The following GMEB2 variants were observed in gnomAD, a reference collection of about 807,000 sequenced individuals.
The protein encoded by GMEB2 is glucocorticoid modulatory element binding protein 2, also known as glucocorticoid modulatory element-binding protein 2.
GMEB2 carries 7 observed loss-of-function variants against 45.7 expected under a neutral mutation model. The ratio of observed to expected loss-of-function variants is 0.15; its 90% CI spans 0.09 to 0.29. The LOEUF (loss-of-function observed/expected upper bound fraction) is 0.29, where lower values mean the gene tolerates loss of function less well. GMEB2 is among the 10% of genes least tolerant of loss of function. The probability of loss-of-function intolerance (pLI) is 1.00; values close to 1 mark genes in which losing one functional copy is unlikely to be tolerated. For missense variants in GMEB2, 582 were observed against 739.2 expected (o/e 0.79, Z 2.47); for synonymous variants, 322 against 323.6 (o/e 1.00, Z 0.05).
chr20:63,620,397 C>G (rs2089636798), intron 1 of GMEB2, among the ~76,000 whole-genome samples: 1 of 152,148 alleles, frequency 6.6e-6, no homozygotes, highest in South Asian at 2.1e-4. Flanking sequence ...CATCCCCTAC[C>G]TAGCACAGGG....
chr20:63,605,409 C>G (rs906008786), intron 2 of GMEB2, among the ~76,000 whole-genome samples: 2 of 149,374 alleles, frequency 1.3e-5, no homozygotes, highest in African/African-American at 2.5e-5. Flanking sequence ...GGCTCGAGCC[C>G]GTAATCCCAG....
intron 2 of GMEB2, among the ~76,000 whole-genome samples, chr20:63,605,869 C>T (rs1388175771): frequency 6.6e-6 from 1 of 151,936 alleles, no homozygotes; most frequent in African/African-American, 2.4e-5. Context: ...ACAGGAGAAT[C>T]GCCTGAACCC....
At chr20:63,594,930 A>G (rs2083181128) in intron 6 of GMEB2, among the ~76,000 whole-genome samples, 1 of 152,116 alleles carries the variant, frequency 6.6e-6, no homozygotes, top group African/African-American at 2.4e-5. Context: ...TGTACTTTTA[A>G]TAGAGACAGG....
At chr20:63,623,892 A>C (rs1000060214) in intron 1 of GMEB2, among the ~76,000 whole-genome samples, 10 of 151,740 alleles carry the variant, frequency 6.6e-5, no homozygotes, top group African/African-American at 2.4e-4. Context: ...CGAGCAGATC[A>C]CCTGAGGTCA....
intron 1 of GMEB2, among the ~76,000 whole-genome samples, chr20:63,620,055 C>T (rs978020235): frequency 6.6e-6 from 1 of 152,186 alleles, no homozygotes; most frequent in African/African-American, 2.4e-5. Context: ...TCAAGTGATT[C>T]TCCTGCCTCA....
At chr20:63,606,902 A>C (rs1251846971) in intron 2 of GMEB2, among the ~76,000 whole-genome samples, 2 of 152,182 alleles carry the variant, frequency 1.3e-5, no homozygotes, top group African/African-American at 4.8e-5. Context: ...ACAGGAAGGA[A>C]CCAGCGTTAC....
At chr20:63,599,784 C>T (rs977761705) in intron 4 of GMEB2, among the ~76,000 whole-genome samples, 27 of 152,198 alleles carry the variant, frequency 1.8e-4, no homozygotes, top group African/African-American at 5.8e-4. Flanking sequence ...AGCTCTCACA[C>T]GTGCGTTCCG....
chr20:63,587,817 G>A lies in GMEB2; in HGVS notation c.*2272C>T, dbSNP rs182556348. 33 of 152,516 alleles carry A rather than the reference G, an allele frequency of 2.2e-4. No individual in the cohort carries two copies. Among genetic ancestry groups the A allele is most frequent in the African/African-American group, 7.5e-4 (31 of 41,580 alleles). 9.4% of individuals were successfully genotyped at this position (152,516 alleles called of 1,614,324 possible). A position where few individuals can be genotyped will look rare whatever the true frequency, so the allele number is the denominator to read the frequency against. Reference sequence around the variant, plus strand: ...CCCGTGTTCTGTACGTGGTTGAGAAGGTCCTCCTCTCTGAGTACTGGCTGG... The same window carrying A: ...CCCGTGTTCTGTACGTGGTTGAGAAAGTCCTCCTCTCTGAGTACTGGCTGG... On this transcript the variant is annotated 3_prime_UTR_variant, in exon 10 of 10. Transcript: ENST00000370077.
At chr20:63,595,515 C>T (rs973156225) in intron 6 of GMEB2, 95 bp downstream of exon 6, 27 of 1,184,746 alleles carry the variant, frequency 2.3e-5, no homozygotes, top group African/African-American at 1.7e-4. Flanking sequence ...CGTGAGCAAA[C>T]GCCTGGGGCC....
intron 2 of GMEB2, among the ~76,000 whole-genome samples, chr20:63,615,797 G>A (rs951900813): frequency 4.6e-5 from 7 of 152,188 alleles, no homozygotes; most frequent in African/African-American, 1.4e-4. Flanking sequence ...GTGTGGCGAC[G>A]CCCCATGCTC....
In GMEB2 at chr20:63,592,042, T is replaced by C. The variant is rs780611183; in HGVS notation, c.932A>G (p.Gln311Arg). 5 of 1,612,362 alleles carry C rather than the reference T, an allele frequency of 3.1e-6. No homozygotes were observed. In the African/African-American group the frequency reaches 6.7e-5, roughly 22 times the overall value. Residue 311 changes from glutamine to arginine, a missense_variant, in exon 9 of 10, where the codon CAG becomes CGG. Around this residue, in one of 3 missense-constraint regions of GMEB2, gnomAD observed 462 missense variants for 586.7 expected, o/e 0.79. Transcript: ENST00000370077. The surrounding 1 kb of genome is among the most constrained non-coding windows in gnomAD (Gnocchi z 8.2). The stretch of plus-strand genomic sequence containing the variant: ...CATACCTGCCAGGTCCCGGGCGTAC[T>C]GCTCCCGCGAGCGGTCCATCTGGCA... ...HKCQMDRSRE[Q>R]YARDLAALEQ... is the part of the protein sequence containing the mutation.
intron 2 of GMEB2, among the ~76,000 whole-genome samples, chr20:63,614,794 C>G (rs2089596413): frequency 6.6e-6 from 1 of 152,200 alleles, no homozygotes; most frequent in Non-Finnish European, 1.5e-5. Context: ...TCTCTCCTCT[C>G]TCTCTGCCTC....
intron 1 of GMEB2, among the ~76,000 whole-genome samples, chr20:63,626,550 GCGT>G: frequency 7.1e-6 from 1 of 141,400 alleles, no homozygotes; most frequent in Non-Finnish European, 1.6e-5. Context: ...CCTGCGGGTC[GCGT>G]GGTGGCCCCT....
chr20:63,595,855 G>T, intron 5 of GMEB2, 88 bp from the exon 6 acceptor site: 1 of 1,233,226 alleles, frequency 8.1e-7, no homozygotes, highest in Non-Finnish European at 1.2e-6. Flanking sequence ...CCATCCACCT[G>T]CGTGGGGCAG....
chr20:63,613,521 C>CA (rs2089585848), intron 2 of GMEB2, among the ~76,000 whole-genome samples: 1 of 139,540 alleles, frequency 7.2e-6, no homozygotes, highest in Non-Finnish European at 1.5e-5. Flanking sequence ...TTTTTGTTTT[C>CA]TTTTTTTTTT....
chr20:63,598,046 G>A (rs1243787374), intron 4 of GMEB2, among the ~76,000 whole-genome samples, 186 bp from the exon 5 acceptor site: 2 of 152,202 alleles, frequency 1.3e-5, no homozygotes, highest in African/African-American at 2.4e-5. Flanking sequence ...CACGGTGGCT[G>A]CAGTGGGGAG....
chr20:63,623,842 T>C (rs2089653969), intron 1 of GMEB2, among the ~76,000 whole-genome samples: 1 of 151,552 alleles, frequency 6.6e-6, no homozygotes, highest in South Asian at 2.1e-4. Flanking sequence ...CCAGGTGTGG[T>C]GGCTCACGCC....
intron 2 of GMEB2, among the ~76,000 whole-genome samples, chr20:63,616,728 C>T (rs907683176): frequency 6.6e-6 from 1 of 152,232 alleles, no homozygotes; most frequent in African/African-American, 2.4e-5. Context: ...ATGTCCCACC[C>T]TCACCCATCC....
rs538984558 is a variant in GMEB2 at position 63,590,335 on chromosome 20, C to T, written c.1347G>A (p.Pro449=). The T allele has an allele frequency of 1.8e-5, 29 of 1,612,094 alleles. No homozygotes were observed. Among genetic ancestry groups the T allele is most frequent in the South Asian group, 7.7e-5 (7 of 91,038 alleles). ...STYPSTVEIH[P]DASSLTVLST... ...TCAGGACCGTGAGGCTGGACGCGTC[C>T]GGGTGGATCTCCACTGTGCTGGGGT... is the stretch of plus-strand genomic sequence containing the variant. Residue 449 remains proline (P), a synonymous_variant, in exon 10 of 10, where the codon CCG becomes CCA. Transcript: ENST00000370077.
Sources: gnomAD v4.1 joint callset for allele counts (sites outside exome capture counted in the v4.1 genomes callset) on GRCh38, gnomAD v4.1.1 for gene constraint, gnomAD v4.1.1 regional missense constraint, Gnocchi (gnomAD v3.1) non-coding constraint, MANE v1.5 for transcripts, NCBI Gene and HGNC (gene_info 2026-07-23, HGNC 2026-07-21) for gene names.